Variants in EPHA6 observed in about 807,000 individuals in gnomAD.
The protein encoded by EPHA6 is ephrin type-A receptor 6.
Under a neutral mutation model 112.0 loss-of-function variants are expected in EPHA6, and 50 were observed. The ratio of observed to expected loss-of-function variants is 0.45; its 90% CI spans 0.36 to 0.56. The LOEUF is 0.56. Among genes scored for constraint, EPHA6 ranks in the 20% least tolerant of loss-of-function variants. The pLI, the probability that EPHA6 is intolerant of heterozygous loss-of-function variation, is 0.00. For missense variants in EPHA6, 1,280 were observed against 1,417.4 expected (o/e 0.90, Z 1.56); for synonymous variants, 529 against 490.7 (o/e 1.08, Z -1.03).
intron 3 of EPHA6, among the ~76,000 whole-genome samples, chr3:97,091,907 G>GTGTTGT (rs1309758661): frequency 2.0e-5 from 3 of 151,814 alleles, no homozygotes; most frequent in Admixed American, 1.3e-4. Context: ...TTCTAAGTTA[G>GTGTTGT]TGTTGTAGTA....
At chr3:97,703,692 AATGG>A (rs1485508101) in intron 14 of EPHA6, among the ~76,000 whole-genome samples, 2 of 152,150 alleles carry the variant, frequency 1.3e-5, no homozygotes, top group African/African-American at 4.8e-5. Context: ...GTGCCTCAAT[AATGG>A]ATGAAGTTCA....
chr3:97,580,819 C>T (rs2093430519), intron 11 of EPHA6, among the ~76,000 whole-genome samples: 1 of 152,166 alleles, frequency 6.6e-6, no homozygotes, highest in Non-Finnish European at 1.5e-5. Flanking sequence ...AAGGAATAGC[C>T]TCACTAAAAG....
chr3:97,078,230 T>G (rs1449561928), intron 3 of EPHA6, among the ~76,000 whole-genome samples: 3 of 152,220 alleles, frequency 2.0e-5, no homozygotes, highest in Non-Finnish European at 4.4e-5. Context: ...TGCCCATTTT[T>G]TGATGTGATT....
At chr3:97,217,089 AT>A (rs945343781) in intron 3 of EPHA6, among the ~76,000 whole-genome samples, 1 of 152,182 alleles carries the variant, frequency 6.6e-6, no homozygotes, top group African/African-American at 2.4e-5. Context: ...TTTAGGGTAA[AT>A]TTTTAGGCCC....
intron 3 of EPHA6, among the ~76,000 whole-genome samples, chr3:97,021,000 TA>T (rs1236383860): frequency 6.6e-5 from 10 of 152,202 alleles, no homozygotes; most frequent in African/African-American, 1.4e-4. Flanking sequence ...TTACAACTTA[TA>T]AAAAACCTTC....
intron 1 of EPHA6, among the ~76,000 whole-genome samples, chr3:96,820,726 G>A (rs989880808): frequency 1.1e-4 from 16 of 151,882 alleles, no homozygotes; most frequent in African/African-American, 3.6e-4. Flanking sequence ...TCAAACCATT[G>A]TACATAAGGT....
At chr3:97,598,402 C>T (rs1052292118) in intron 12 of EPHA6, among the ~76,000 whole-genome samples, 1 of 140,064 alleles carries the variant, frequency 7.1e-6, no homozygotes, top group African/African-American at 2.6e-5. Flanking sequence ...TCTCCCAATG[C>T]TATCCCTCCC....
chr3:97,498,627 A>C (rs558087961), intron 10 of EPHA6, among the ~76,000 whole-genome samples: 2 of 152,176 alleles, frequency 1.3e-5, no homozygotes, highest in South Asian at 2.1e-4. Flanking sequence ...TGTTTATAGT[A>C]CTGGAGATCA....
chr3:97,711,848 C>A (rs977626038), intron 14 of EPHA6, among the ~76,000 whole-genome samples: 1 of 152,178 alleles, frequency 6.6e-6, no homozygotes, highest in Non-Finnish European at 1.5e-5. Flanking sequence ...TCAGGCCAGT[C>A]AAGTTGACAC....
intron 5 of EPHA6, among the ~76,000 whole-genome samples, chr3:97,400,303 T>C (rs1286211660): frequency 6.6e-6 from 1 of 151,764 alleles, no homozygotes; most frequent in Non-Finnish European, 1.5e-5. Flanking sequence ...TTCCATCACA[T>C]TGGTATTGAA....
At chr3:97,529,392 A>G (rs1253655094) in intron 10 of EPHA6, among the ~76,000 whole-genome samples, 1 of 152,098 alleles carries the variant, frequency 6.6e-6, no homozygotes, top group East Asian at 1.9e-4. Context: ...AACACTATGT[A>G]AGACCTACCT....
intron 3 of EPHA6, among the ~76,000 whole-genome samples, chr3:97,178,558 C>T (rs1169472331): frequency 6.6e-6 from 1 of 152,014 alleles, no homozygotes; most frequent in African/African-American, 2.4e-5. Flanking sequence ...AATCCGTCAG[C>T]TTTTGTTTGT....
intron 15 of EPHA6, among the ~76,000 whole-genome samples, chr3:97,723,817 G>C (rs1443543033): frequency 6.6e-6 from 1 of 152,172 alleles, no homozygotes; most frequent in Non-Finnish European, 1.5e-5. Context: ...GCAGTAAAGA[G>C]AGTTGAAATT....
intron 3 of EPHA6, among the ~76,000 whole-genome samples, chr3:97,025,155 G>T (rs2044594783): frequency 6.6e-6 from 1 of 152,168 alleles, no homozygotes; most frequent in South Asian, 2.1e-4. Flanking sequence ...AGATTTTTAT[G>T]AGGATTAAAT....
chr3:96,954,898 A>G (rs935100594), intron 2 of EPHA6, among the ~76,000 whole-genome samples: 1 of 138,978 alleles, frequency 7.2e-6, no homozygotes, highest in African/African-American at 2.7e-5. Flanking sequence ...GGTTCACGCC[A>G]TTCTCCTGCC....
At chr3:97,732,547 T>C (rs985265131) in intron 15 of EPHA6, among the ~76,000 whole-genome samples, 17 of 152,094 alleles carry the variant, frequency 1.1e-4, no homozygotes, top group South Asian at 6.2e-4. Flanking sequence ...TGAATAAATT[T>C]AAAAATCTGT....
At chr3:97,218,628 G>A (rs2078102460) in intron 3 of EPHA6, among the ~76,000 whole-genome samples, 1 of 152,006 alleles carries the variant, frequency 6.6e-6, no homozygotes, top group South Asian at 2.1e-4. Flanking sequence ...TGACACATAG[G>A]GATTATAGGG....
chr3:96,926,775 G>T lies in EPHA6; in HGVS notation c.450+59886G>T, dbSNP rs149446038. 1.9e-3 allele frequency among the ~76,000 whole-genome samples: 286 copies of T among 152,296 alleles called. 1 individual carries two copies. Among genetic ancestry groups the T allele is most frequent in the Non-Finnish European group, 2.7e-3 (181 of 68,028 alleles). On this transcript the variant is annotated intron_variant, in intron 2 of 17. Transcript: ENST00000389672. Reference sequence around the variant, plus strand: ...CAAGGGGTGGGCTCCCATGGCCTTGGCTTTGCAGGGTACAGCCCCCCAGCT... The same window carrying T: ...CAAGGGGTGGGCTCCCATGGCCTTGTCTTTGCAGGGTACAGCCCCCCAGCT...
chr3:97,637,263 A>G (rs981412290), intron 13 of EPHA6, among the ~76,000 whole-genome samples: 5 of 152,100 alleles, frequency 3.3e-5, no homozygotes, highest in African/African-American at 9.7e-5. Context: ...AATTGCTAAC[A>G]ACTTTTCTGT....
Sources: gnomAD v4.1 joint callset for allele counts (sites outside exome capture counted in the v4.1 genomes callset) on GRCh38, gnomAD v4.1.1 for gene constraint, MANE v1.5 for transcripts, NCBI Gene and HGNC (gene_info 2026-07-23, HGNC 2026-07-21) for gene names.